Variants in ACO2 observed in about 807,000 individuals in gnomAD.
ACO2 encodes aconitate hydratase, mitochondrial.
ACO2 carries 31 observed loss-of-function variants against 84.5 expected under a neutral mutation model. The observed-to-expected ratio is 0.37, with a 90% confidence interval of 0.28 to 0.50. The LOEUF is 0.50. ACO2 is among the 20% of genes least tolerant of loss of function. ACO2 has a pLI of 0.97. For synonymous variants in ACO2, 414 were observed against 412.7 expected, an observed-to-expected ratio of 1.00 and a Z score of -0.04; for missense variants, 685 against 1,029.3, an observed-to-expected ratio of 0.67 and a Z score of 4.58.
At chr22:41,525,931 C>G (rs565281170) in intron 14 of ACO2, 17 of 269,842 alleles carry the variant, frequency 6.3e-5, no homozygotes, top group Non-Finnish European at 1.1e-4. Flanking sequence ...GTCCTGGGCT[C>G]CTGTGTCCAG....
intron 8 of ACO2, among the ~76,000 whole-genome samples, chr22:41,519,066 G>C (rs557623998): frequency 1.3e-5 from 2 of 152,336 alleles, no homozygotes; most frequent in South Asian, 4.1e-4. Flanking sequence ...CAGCCACGGG[G>C]AGAGCAGAGG....
chr22:41,527,176 G>T, intron 15 of ACO2, 112 bp from the exon 16 acceptor site: 2 of 1,523,200 alleles, frequency 1.3e-6, no homozygotes, highest in South Asian at 2.3e-5. Context: ...CCCCTTTACC[G>T]GGAGCCTCAG....
At chr22:41,478,782 T>C (rs2038051044) in intron 1 of ACO2, among the ~76,000 whole-genome samples, 1 of 150,648 alleles carries the variant, frequency 6.6e-6, no homozygotes, top group Non-Finnish European at 1.5e-5. Context: ...TTTTTTTTTT[T>C]TTGAGAAGGA....
intron 7 of ACO2, among the ~76,000 whole-genome samples, 174 bp downstream of exon 7, chr22:41,517,805 T>C (rs2066487506): frequency 6.6e-6 from 1 of 152,218 alleles, no homozygotes; most frequent in Non-Finnish European, 1.5e-5. Flanking sequence ...GAGTAGATTG[T>C]CTGGAGCTCT....
rs203317 is a variant in ACO2 at position 41,525,087 on chromosome 22, G to A, written c.1606-106G>A. On this transcript the variant is annotated intron_variant, in intron 13 of 17. Coordinates refer to ENST00000216254, the MANE Select transcript of ACO2 (RefSeq NM_001098.3). ...CTGCTAGTGAGAAGGAAGCAGCTCT[G>A]TTCCCTGGGAGGGGAGGTGGGGCCC... 3.5e-3 allele frequency: 5,614 copies of A among 1,597,334 alleles called. 145 individuals carry two copies. In the African/African-American group the frequency reaches 0.058, roughly 17 times the overall value.
chr22:41,506,398 G>A (rs1171504425), intron 2 of ACO2, among the ~76,000 whole-genome samples: 2 of 151,954 alleles, frequency 1.3e-5, no homozygotes, highest in South Asian at 2.1e-4. Context: ...GACTACAGGC[G>A]CCCGCCACCA....
At chr22:41,490,370 T>C (rs903065766) in intron 1 of ACO2, among the ~76,000 whole-genome samples, 4 of 152,338 alleles carry the variant, frequency 2.6e-5, no homozygotes, top group Non-Finnish European at 4.4e-5. Flanking sequence ...TTTGACATTT[T>C]AACCACTTTC....
Position 41,524,924 on chromosome 22 carries a change from A to C in ACO2, c.1561A>C (p.Lys521Gln). 1.9e-6 allele frequency: 3 copies of C among 1,614,142 alleles called. No homozygotes were observed. Among genetic ancestry groups the C allele is most frequent in the Non-Finnish European group, 2.5e-6 (3 of 1,180,022 alleles). ...CTACCTGACGGGCACGGATGGCAAG[A>C]AGTTCAGGCTGGAGGCTCCGGATGC... ...TDYLTGTDGK[K>Q]FRLEAPDADE... The change falls in exon 13 of 18, where the codon AAG (lysine) becomes CAG (glutamine). Residue 521 changes from lysine to glutamine, a missense_variant. Coordinates refer to ENST00000216254, the MANE Select transcript of ACO2 (RefSeq NM_001098.3).
At position 41,501,798 on chromosome 22, in the gene ACO2, C is replaced by G. The variant is rs369186947; in HGVS notation, c.173+1936C>G. ...CTCATGCCACTTTGCTTTCTATCTACTGGTATCCCCACTTCGGTTTTAAGG... is the reference window on the plus strand; with the variant it reads ...CTCATGCCACTTTGCTTTCTATCTAGTGGTATCCCCACTTCGGTTTTAAGG... On this transcript the variant is annotated intron_variant, in intron 2 of 17. Coordinates refer to ENST00000216254, the MANE Select transcript of ACO2 (RefSeq NM_001098.3). Among the ~76,000 whole-genome samples the G allele has an allele frequency of 7.3e-4, 111 of 152,302 alleles. No individual in the cohort carries two copies. In the Middle Eastern group the frequency reaches 0.014, roughly 19 times the overall value.
At chr22:41,470,062 T>A (rs551091854) in intron 1 of ACO2, among the ~76,000 whole-genome samples, 94 of 152,320 alleles carry the variant, frequency 6.2e-4, no homozygotes, top group African/African-American at 2.2e-3. Flanking sequence ...TATGGGAGGA[T>A]AAGGAGACTC....
intron 1 of ACO2, among the ~76,000 whole-genome samples, chr22:41,493,198 C>T (rs747021974): frequency 3.9e-5 from 6 of 152,152 alleles, no homozygotes; most frequent in African/African-American, 1.4e-4. Flanking sequence ...CTGACCTAAT[C>T]GCCTCTTAAA....
intron 16 of ACO2, chr22:41,527,691 G>C: frequency 1.2e-6 from 1 of 820,010 alleles, no homozygotes; most frequent in Non-Finnish European, 1.9e-6. Context: ...TGAATGTGCA[G>C]CAGGAAGGCC....
At chr22:41,520,722 GC>G (rs1334544343) in intron 9 of ACO2, among the ~76,000 whole-genome samples, 1 of 151,886 alleles carries the variant, frequency 6.6e-6, no homozygotes, top group Non-Finnish European at 1.5e-5. Flanking sequence ...GGCACCTGTA[GC>G]CCCAGCTACT....
intron 1 of ACO2, among the ~76,000 whole-genome samples, chr22:41,494,706 A>G (rs1039719531): frequency 2.0e-5 from 3 of 148,458 alleles, no homozygotes; most frequent in African/African-American, 7.5e-5. Flanking sequence ...CCACTGCGCC[A>G]GGCTGTATTC....
chr22:41,471,263 G>A (rs966937726), intron 1 of ACO2, among the ~76,000 whole-genome samples: 1 of 152,210 alleles, frequency 6.6e-6, no homozygotes, highest in Admixed American at 6.5e-5. Context: ...TCCAGTAGCA[G>A]AGTCAGGATT....
In ACO2 at chr22:41,521,035, CAAAAAAA is replaced by C. The variant is rs375633363; in HGVS notation, c.1138+777_1138+783del. Reference sequence around the variant, plus strand: ...AGACTCAAGCAACAGAGCCTGCCTCCAAAAAAAAAAAAAAAAAAAAAAAAGAAAGAAA... The same window carrying C: ...AGACTCAAGCAACAGAGCCTGCCTCCAAAAAAAAAAAAAAAAAGAAAGAAA... On this transcript the variant is annotated intron_variant, in intron 9 of 17. Coordinates refer to ENST00000216254, the MANE Select transcript of ACO2 (RefSeq NM_001098.3). 4.6e-3 allele frequency among the ~76,000 whole-genome samples: 372 copies of C among 81,620 alleles called. 2 individuals carry two copies. Among genetic ancestry groups the C allele is most frequent in the Non-Finnish European group, 5.9e-3 (264 of 44,940 alleles). The allele number at this position is 81,620 out of a possible 152,430, so 53.5% of individuals were successfully genotyped here.
At chr22:41,506,045 G>A (rs1460298821) in intron 2 of ACO2, among the ~76,000 whole-genome samples, 1 of 151,960 alleles carries the variant, frequency 6.6e-6, no homozygotes, top group African/African-American at 2.4e-5. Context: ...TTAAATAGTG[G>A]TTTCAGTAAT....
intron 17 of ACO2, 77 bp from the exon 18 acceptor site, chr22:41,528,402 T>TGCGGGG (rs1171610616): frequency 6.4e-7 from 1 of 1,564,502 alleles, no homozygotes; most frequent in African/African-American, 1.4e-5. Flanking sequence ...GGCAGTGCCC[T>TGCGGGG]GTCTCCCTGA....
chr22:41,470,926 A>C (rs139888680), intron 1 of ACO2, among the ~76,000 whole-genome samples: 3 of 152,312 alleles, frequency 2.0e-5, no homozygotes, highest in Non-Finnish European at 2.9e-5. Context: ...GTCAGGCAAG[A>C]TTATTTGATA....
Sources: gnomAD v4.1 joint callset for allele counts (sites outside exome capture counted in the v4.1 genomes callset) on GRCh38, gnomAD v4.1.1 for gene constraint, MANE v1.5 for transcripts, NCBI Gene and HGNC (gene_info 2026-07-23, HGNC 2026-07-21) for gene names.